Variants in MACROD2 observed in about 807,000 individuals in gnomAD.
MACROD2 encodes the protein mono-ADP ribosylhydrolase 2.
In MACROD2, 36 loss-of-function variants were observed where a neutral mutation model predicts 70.4. The ratio of observed to expected loss-of-function variants is 0.51; its 90% CI spans 0.39 to 0.68. The LOEUF is 0.68. Among genes scored for constraint, MACROD2 ranks in the 30% least tolerant of loss-of-function variants. MACROD2 has a pLI of 0.00. For missense variants in MACROD2, 496 were observed against 538.4 expected, an observed-to-expected ratio of 0.92 and a Z score of 0.78; for synonymous variants, 172 against 178.8, an observed-to-expected ratio of 0.96 and a Z score of 0.30.
intron 5 of MACROD2, among the ~76,000 whole-genome samples, chr20:15,006,529 A>G (rs1378900348): frequency 6.6e-6 from 1 of 152,184 alleles, no homozygotes; most frequent in African/African-American, 2.4e-5. Context: ...GAGGTGATGC[A>G]TATGTTAATT....
intron 10 of MACROD2, among the ~76,000 whole-genome samples, chr20:15,907,217 C>T (rs544652749): frequency 6.6e-6 from 1 of 152,232 alleles, no homozygotes; most frequent in South Asian, 2.1e-4. Context: ...GTGTGGATCA[C>T]AATTTGAGAT....
intron 5 of MACROD2, among the ~76,000 whole-genome samples, chr20:15,134,973 A>G (rs1479563927): frequency 6.6e-6 from 1 of 152,222 alleles, no homozygotes; most frequent in Non-Finnish European, 1.5e-5. Context: ...GAAGAAATGG[A>G]TAAATTCCTC....
At chr20:14,260,773 AT>A (rs1343783153) in intron 3 of MACROD2, among the ~76,000 whole-genome samples, 1 of 152,240 alleles carries the variant, frequency 6.6e-6, no homozygotes, top group African/African-American at 2.4e-5. Context: ...CCTATCTTAT[AT>A]GCTCTTGTGA....
At chr20:14,994,446 C>T (rs532746722) in intron 5 of MACROD2, among the ~76,000 whole-genome samples, 47 of 151,970 alleles carry the variant, frequency 3.1e-4, no homozygotes, top group Non-Finnish European at 5.4e-4. Context: ...ACTCACCTAA[C>T]AGGAAGGCAG....
chr20:14,336,418 T>G (rs1446252525), intron 3 of MACROD2, among the ~76,000 whole-genome samples: 8 of 152,146 alleles, frequency 5.3e-5, no homozygotes, highest in Admixed American at 2.6e-4. Context: ...TGTTGCACTC[T>G]TTACCTATAT....
At chr20:15,477,023 C>T (rs1220280525) in intron 7 of MACROD2, among the ~76,000 whole-genome samples, 1 of 151,698 alleles carries the variant, frequency 6.6e-6, no homozygotes, top group Admixed American at 6.6e-5. Context: ...TAGATTTCCG[C>T]TTGGACTGAT....
chr20:14,973,412 G>A (rs1336869163), intron 5 of MACROD2, among the ~76,000 whole-genome samples: 2 of 151,744 alleles, frequency 1.3e-5, no homozygotes, highest in East Asian at 1.9e-4. Context: ...TAGTATAGAC[G>A]AGATTTCACC....
rs1395725752 is a variant in MACROD2 at position 15,079,731 on chromosome 20, A to T, written c.419-150209A>T. ...AAGTCCTCCTTTCTGCCTGCTCTCC[A>T]CCTATTTCCAGGCAGTTGAACATGA... On this transcript the variant is annotated intron_variant, in intron 5 of 17. Coordinates refer to ENST00000684519, the MANE Select transcript of MACROD2 (RefSeq NM_001351661.2). Among the ~76,000 whole-genome samples the T allele has an allele frequency of 2.0e-5, 3 of 151,842 alleles. No individual in the cohort carries two copies. In the East Asian group the frequency reaches 5.8e-4, roughly 30 times the overall value.
intron 10 of MACROD2, among the ~76,000 whole-genome samples, chr20:15,912,078 A>C (rs2065246099): frequency 6.6e-6 from 1 of 152,244 alleles, no homozygotes; most frequent in African/African-American, 2.4e-5. Flanking sequence ...CTGTGTTTCC[A>C]AGCTGTTTTG....
chr20:15,947,223 C>A (rs1489965352), intron 12 of MACROD2, among the ~76,000 whole-genome samples: 1 of 152,082 alleles, frequency 6.6e-6, no homozygotes, highest in Non-Finnish European at 1.5e-5. Context: ...TTTTACTAAT[C>A]CTCCTCAGCA....
intron 3 of MACROD2, among the ~76,000 whole-genome samples, chr20:14,303,704 A>T (rs1341481513): frequency 2.0e-5 from 3 of 152,170 alleles, no homozygotes; most frequent in Admixed American, 2.0e-4. Context: ...AGTTCTGCAT[A>T]GTTCCAAATA....
intron 5 of MACROD2, among the ~76,000 whole-genome samples, chr20:14,839,589 G>C (rs2073065716): frequency 6.6e-6 from 1 of 152,002 alleles, no homozygotes; most frequent in Admixed American, 6.6e-5. Flanking sequence ...AGTAATTTTT[G>C]CTCCAGTCTC....
intron 5 of MACROD2, among the ~76,000 whole-genome samples, chr20:15,138,394 G>T (rs1486960195): frequency 6.6e-6 from 1 of 152,132 alleles, no homozygotes; most frequent in Non-Finnish European, 1.5e-5. Flanking sequence ...TTATGCATGT[G>T]AAATGTCTCA....
chr20:14,549,581 C>T (rs982907469), intron 4 of MACROD2, among the ~76,000 whole-genome samples: 5 of 151,462 alleles, frequency 3.3e-5, no homozygotes, highest in Non-Finnish European at 7.4e-5. Context: ...TGGCAGATTA[C>T]TTCTACTTTT....
intron 8 of MACROD2, among the ~76,000 whole-genome samples, chr20:15,541,308 A>G (rs2047952688): frequency 6.6e-6 from 1 of 152,178 alleles, no homozygotes; most frequent in African/African-American, 2.4e-5. Context: ...TCTTTTTTGA[A>G]TTTAAAAAGT....
chr20:15,958,518 C>G (rs6135618), intron 12 of MACROD2, among the ~76,000 whole-genome samples: 7 of 152,162 alleles, frequency 4.6e-5, no homozygotes, highest in Middle Eastern at 3.2e-3. Context: ...GAAAGAGAAC[C>G]TTGGACTTGG....
chr20:14,768,077 T>A (rs1325516124), intron 5 of MACROD2, among the ~76,000 whole-genome samples: 1 of 152,120 alleles, frequency 6.6e-6, no homozygotes, highest in Non-Finnish European at 1.5e-5. Context: ...TTTGCTATTG[T>A]GAATACTGCC....
chr20:14,331,371 A>G (rs974796305), intron 3 of MACROD2, among the ~76,000 whole-genome samples: 1 of 152,088 alleles, frequency 6.6e-6, no homozygotes, highest in Non-Finnish European at 1.5e-5. Flanking sequence ...CCTGTTTTAC[A>G]TTTGTGAAGC....
At chr20:14,659,058 A>G (rs549027222) in intron 4 of MACROD2, among the ~76,000 whole-genome samples, 157 of 152,254 alleles carry the variant, frequency 1.0e-3, no homozygotes, top group African/African-American at 3.6e-3. Context: ...GGATCTCCCA[A>G]ATTTGCTTTC....
Sources: allele counts gnomAD v4.1 joint callset (sites outside exome capture counted in the v4.1 genomes callset), GRCh38; gene constraint gnomAD v4.1.1; transcripts MANE v1.5; gene names NCBI Gene and HGNC (gene_info 2026-07-23, HGNC 2026-07-21).